Variants in SPMIP11 observed in about 807,000 individuals in gnomAD.
SPMIP11 encodes sperm microtubule inner protein 11.
chr12:48,757,898 G>A, the SPMIP11 span, among the ~76,000 whole-genome samples: 15 of 151,828 alleles, frequency 9.9e-5, no homozygotes, highest in African/African-American at 3.6e-4. Context: ...GCAGGCTGAT[G>A]CAGGAGAATC....
At chr12:48,730,633 A>G in the SPMIP11 span, among the ~76,000 whole-genome samples, 3 of 152,270 alleles carry the variant, frequency 2.0e-5, no homozygotes, top group South Asian at 6.2e-4. Flanking sequence ...TTCCCTTTTT[A>G]TCAGTAAGAA....
the SPMIP11 span, among the ~76,000 whole-genome samples, chr12:48,755,761 T>C: frequency 2.0e-5 from 3 of 152,150 alleles, no homozygotes; most frequent in Admixed American, 2.0e-4. Flanking sequence ...ACAATCAGCC[T>C]GAGGCCTCGG....
At chr12:48,749,456 C>G in the SPMIP11 span, among the ~76,000 whole-genome samples, 2 of 151,352 alleles carry the variant, frequency 1.3e-5, no homozygotes, top group African/African-American at 4.9e-5. Context: ...TGGGGAAACT[C>G]TGTCTGTACT....
the SPMIP11 span, among the ~76,000 whole-genome samples, chr12:48,740,756 C>T: frequency 6.6e-6 from 1 of 151,580 alleles, no homozygotes; most frequent in Non-Finnish European, 1.5e-5. Flanking sequence ...GCATGGTGGC[C>T]GGTGCCTCTA....
the SPMIP11 span, chr12:48,769,042 G>A: frequency 3.5e-5 from 57 of 1,612,794 alleles, no homozygotes; most frequent in South Asian, 6.6e-5. Context: ...CACCTGCCAC[G>A]ACTGGGCCCA....
chr12:48,769,547 A>G, the SPMIP11 span, among the ~76,000 whole-genome samples: 1 of 151,112 alleles, frequency 6.6e-6, no homozygotes, highest in East Asian at 1.9e-4. Context: ...TTCCATGTCA[A>G]CCACTCTAGT....
At chr12:48,759,256 G>A in the SPMIP11 span, 1 of 702,978 alleles carries the variant, frequency 1.4e-6, no homozygotes, top group South Asian at 1.5e-5. Flanking sequence ...TATCTCAAAA[G>A]ATGGGAATTA....
chr12:48,770,751 A>C, the SPMIP11 span: 10 of 1,611,930 alleles, frequency 6.2e-6, no homozygotes, highest in East Asian at 2.2e-4. Context: ...CCGCCAAGCA[A>C]CAAAGCCCTC....
chr12:48,751,706 A>C, the SPMIP11 span, among the ~76,000 whole-genome samples: 60 of 152,312 alleles, frequency 3.9e-4, no homozygotes, highest in Non-Finnish European at 7.9e-4. Flanking sequence ...CCTCACCTAT[A>C]AATGGAGACA....
At chr12:48,745,065 T>C in the SPMIP11 span, among the ~76,000 whole-genome samples, 1 of 151,950 alleles carries the variant, frequency 6.6e-6, no homozygotes. Flanking sequence ...GGTCAGGAGA[T>C]GGAGACCATC....
chr12:48,735,260 C>T, the SPMIP11 span, among the ~76,000 whole-genome samples: 2 of 152,170 alleles, frequency 1.3e-5, no homozygotes, highest in Non-Finnish European at 2.9e-5. Flanking sequence ...AAGCAGAGAA[C>T]TCAGTCAAGC....
chr12:48,752,992 C>T, the SPMIP11 span, among the ~76,000 whole-genome samples: 1 of 152,054 alleles, frequency 6.6e-6, no homozygotes, highest in Non-Finnish European at 1.5e-5. Flanking sequence ...TTCTTAGCTT[C>T]ATACCTGACA....
the SPMIP11 span, among the ~76,000 whole-genome samples, chr12:48,736,587 C>G: frequency 6.6e-6 from 1 of 152,146 alleles, no homozygotes; most frequent in African/African-American, 2.4e-5. Flanking sequence ...CCCAAACTGC[C>G]TATCCTACTG....
the SPMIP11 span, among the ~76,000 whole-genome samples, chr12:48,735,312 A>G: frequency 1.3e-5 from 2 of 152,180 alleles, no homozygotes; most frequent in African/African-American, 2.4e-5. Context: ...GATTATAAAT[A>G]GATGTTGTTT....
At chr12:48,742,749 G>T in the SPMIP11 span, among the ~76,000 whole-genome samples, 1 of 151,928 alleles carries the variant, frequency 6.6e-6, no homozygotes, top group Non-Finnish European at 1.5e-5. Context: ...GCCGGGCATG[G>T]TGGCTCATGC....
the SPMIP11 span, among the ~76,000 whole-genome samples, chr12:48,730,176 A>C: frequency 6.6e-6 from 1 of 152,152 alleles, no homozygotes; most frequent in African/African-American, 2.4e-5. Flanking sequence ...TACTGATCCA[A>C]AGAGGCCTGG....
the SPMIP11 span, among the ~76,000 whole-genome samples, chr12:48,733,794 G>A: frequency 7.8e-6 from 1 of 128,210 alleles, no homozygotes; most frequent in South Asian, 2.7e-4. Context: ...TTTTGAGATG[G>A]AGTGTCTCAC....
the SPMIP11 span, among the ~76,000 whole-genome samples, chr12:48,740,911 G>A: frequency 6.6e-6 from 1 of 151,748 alleles, no homozygotes; most frequent in Non-Finnish European, 1.5e-5. Context: ...AAAGAGATGA[G>A]GTCTCGCTAT....
At chr12:48,759,619 A>G in the SPMIP11 span, among the ~76,000 whole-genome samples, 4 of 151,880 alleles carry the variant, frequency 2.6e-5, no homozygotes, top group East Asian at 7.7e-4. Flanking sequence ...TGCGTGAGCC[A>G]AGATCGTGCC....
Sources: gnomAD v4.1 joint callset for allele counts (sites outside exome capture counted in the v4.1 genomes callset) on GRCh38, gnomAD v4.1.1 for gene constraint, MANE v1.5 for transcripts, NCBI Gene and HGNC (gene_info 2026-07-23, HGNC 2026-07-21) for gene names.